The following SEMA3E variants were observed in gnomAD, a reference collection of about 807,000 sequenced individuals.
SEMA3E encodes the protein semaphorin 3E.
A neutral mutation model predicts 93.6 loss-of-function variants in SEMA3E; 49 were observed. The observed-to-expected ratio is 0.52, with a 90% CI of 0.42 to 0.66. The LOEUF is 0.66. Among genes scored for constraint, SEMA3E ranks in the 30% least tolerant of loss-of-function variants. The probability of loss-of-function intolerance (pLI) is 0.00; values close to 1 mark genes in which losing one functional copy is unlikely to be tolerated. For missense variants in SEMA3E, 906 were observed against 964.8 expected, an observed-to-expected ratio of 0.94 and a Z score of 0.81; for synonymous variants, 363 against 330.7, an observed-to-expected ratio of 1.10 and a Z score of -1.06.
rs188470210 is a variant in SEMA3E, at chr7:83,422,424, C to T, written c.457-3941G>A. Among the ~76,000 whole-genome samples the T allele has an allele frequency of 3.1e-3, 472 of 152,058 alleles. 4 individuals are homozygous for T. Among genetic ancestry groups the T allele is most frequent in the Non-Finnish European group, 2.4e-3 (160 of 67,992 alleles). On this transcript the variant is annotated intron_variant, in intron 4 of 16. Coordinates refer to ENST00000643230, the MANE Select transcript of SEMA3E (RefSeq NM_012431.3). ...AAATGAGAAAAAATTATAGATCTGC[C>T]CAGCTAACACTTTCACTGAAGAAGT...
At position 83,637,791 on chromosome 7, in the gene SEMA3E, T is replaced by TC. The variant is rs1358193468; in HGVS notation, c.115+10636_115+10637insG. Among the ~76,000 whole-genome samples the TC allele has an allele frequency of 2.6e-5, 3 of 114,390 alleles. No homozygotes were observed. In the East Asian group the frequency reaches 8.5e-4, roughly 32 times the overall value. 75.0% of individuals were successfully genotyped at this position (114,390 alleles called of 152,430 possible). ...AAATTATCCAGTCTCTGGCAGTTCT[T>TC]TTTTTTTTTTTTTTTCATTCAAAAT... is the stretch of plus-strand genomic sequence containing the variant. On this transcript the variant is annotated intron_variant, in intron 1 of 16. Transcript: ENST00000643230.
chr7:83,602,296 G>A (rs907970793), intron 1 of SEMA3E, among the ~76,000 whole-genome samples: 2 of 152,186 alleles, frequency 1.3e-5, no homozygotes, highest in Admixed American at 1.3e-4. Flanking sequence ...TTCTCTGTCA[G>A]TTTGAAAGTG....
At chr7:83,391,761 A>G (rs2115577746) in intron 14 of SEMA3E, among the ~76,000 whole-genome samples, 1 of 152,276 alleles carries the variant, frequency 6.6e-6, no homozygotes, top group Non-Finnish European at 1.5e-5. Flanking sequence ...TGTTTACAGA[A>G]AAGTAACCCA....
At chr7:83,632,074 G>A (rs1462668698) in intron 1 of SEMA3E, among the ~76,000 whole-genome samples, 1 of 151,268 alleles carries the variant, frequency 6.6e-6, no homozygotes, top group Non-Finnish European at 1.5e-5. Flanking sequence ...AGAATCGCTT[G>A]AACCTGGGAG....
chr7:83,532,299 C>T (rs756030954), intron 1 of SEMA3E, among the ~76,000 whole-genome samples: 10 of 152,152 alleles, frequency 6.6e-5, no homozygotes, highest in Non-Finnish European at 1.5e-4. Context: ...GAAATCCATA[C>T]TCCACTGTCT....
intron 14 of SEMA3E, among the ~76,000 whole-genome samples, chr7:83,387,523 A>G (rs1787905214): frequency 6.6e-6 from 1 of 152,104 alleles, no homozygotes; most frequent in African/African-American, 2.4e-5. Flanking sequence ...TATAGCCATT[A>G]TAATCAATTA....
chr7:83,478,730 A>G (rs1325321416), intron 2 of SEMA3E, among the ~76,000 whole-genome samples: 1 of 152,258 alleles, frequency 6.6e-6, no homozygotes, highest in Admixed American at 6.5e-5. Context: ...GCAGCCATGC[A>G]AAGGGAATAA....
chr7:83,449,765 T>C (rs1789316502), intron 4 of SEMA3E, among the ~76,000 whole-genome samples: 1 of 152,164 alleles, frequency 6.6e-6, no homozygotes, highest in African/African-American at 2.4e-5. Flanking sequence ...ATTATACACA[T>C]ATAAATCAAC....
At chr7:83,386,192 C>T (rs969942599) in intron 15 of SEMA3E, among the ~76,000 whole-genome samples, 12 of 152,104 alleles carry the variant, frequency 7.9e-5, no homozygotes, top group African/African-American at 2.9e-4. Context: ...TTTTCTCTTG[C>T]TAGTATTCCC....
chr7:83,489,679 G>A (rs1790339634), intron 2 of SEMA3E, among the ~76,000 whole-genome samples: 1 of 152,092 alleles, frequency 6.6e-6, no homozygotes, highest in Non-Finnish European at 1.5e-5. Flanking sequence ...AGTTAAAGGA[G>A]CATCCACCTG....
chr7:83,435,544 C>T (rs949427882), intron 4 of SEMA3E, among the ~76,000 whole-genome samples: 5 of 151,840 alleles, frequency 3.3e-5, no homozygotes, highest in Admixed American at 6.6e-5. Context: ...TGCAGTGAGA[C>T]GAGATCATGC....
chr7:83,490,081 T>C, intron 2 of SEMA3E, 33 bp downstream of exon 2: 1 of 1,604,732 alleles, frequency 6.2e-7, no homozygotes, highest in Non-Finnish European at 8.5e-7. Flanking sequence ...CCCTTTTCTA[T>C]CTCTACTGAA....
At chr7:83,628,821 C>T (rs1333405135) in intron 1 of SEMA3E, among the ~76,000 whole-genome samples, 1 of 152,018 alleles carries the variant, frequency 6.6e-6, no homozygotes, top group Non-Finnish European at 1.5e-5. Context: ...CATTTTTCTT[C>T]CCTTGCTGGC....
intron 1 of SEMA3E, among the ~76,000 whole-genome samples, chr7:83,593,247 T>A: frequency 8.7e-6 from 1 of 115,326 alleles, no homozygotes. Context: ...TTTCGCTCTT[T>A]CTCTCTCTCT....
intron 1 of SEMA3E, among the ~76,000 whole-genome samples, chr7:83,536,769 G>A (rs1472332264): frequency 1.3e-5 from 2 of 152,046 alleles, no homozygotes; most frequent in Admixed American, 6.6e-5. Context: ...GCATCTTGGC[G>A]AAGAAATAAT....
chr7:83,619,492 A>C (rs1442738518), intron 1 of SEMA3E, among the ~76,000 whole-genome samples: 1 of 151,854 alleles, frequency 6.6e-6, no homozygotes, highest in African/African-American at 2.4e-5. Flanking sequence ...CCTATTATTA[A>C]CACATTTTTG....
intron 13 of SEMA3E, 84 bp downstream of exon 13, chr7:83,394,213 T>C: frequency 7.3e-7 from 1 of 1,374,782 alleles, no homozygotes; most frequent in Non-Finnish European, 1.0e-6. Context: ...TAAGCACATG[T>C]ACTAATGTTC....
rs767644177 is a variant in SEMA3E at position 83,408,407 on chromosome 7, G to C, written c.631C>G (p.His211Asp). Residue 211 changes from histidine (H) to aspartate (D), a missense_variant, in exon 6 of 17, where the codon CAT becomes GAT. His to Asp is a moderately conservative substitution (Grantham distance 81). Transcript: ENST00000643230. The stretch of plus-strand genomic sequence containing the variant: ...TCATCGTCATGCTCAGTGCGGATAT[G>C]GGCCAGTCGCCCCATGCTGCGGAAG... Reference protein sequence around the residue: ...AIFRSMGRLAHIRTEHDDERL... With the variant: ...AIFRSMGRLADIRTEHDDERL... The C allele has an allele frequency of 6.2e-7, 1 of 1,613,644 alleles. No homozygotes were observed. The highest frequency in any genetic ancestry group is 1.3e-5 in the African/African-American group (1 of 74,896).
At chr7:83,466,695 G>A (rs1789767265) in intron 3 of SEMA3E, 94 bp from the exon 4 acceptor site, 1 of 1,479,364 alleles carries the variant, frequency 6.8e-7, no homozygotes, top group Non-Finnish European at 9.3e-7. Flanking sequence ...GAAAGCTCAT[G>A]TTTTACCGTA....
Sources: gnomAD v4.1 joint callset for allele counts (sites outside exome capture counted in the v4.1 genomes callset) on GRCh38, gnomAD v4.1.1 for gene constraint, MANE v1.5 for transcripts, NCBI Gene and HGNC (gene_info 2026-07-23, HGNC 2026-07-21) for gene names.